KHDRBS3: variants seen among roughly 807,000 people sequenced by gnomAD.
The protein encoded by KHDRBS3 is KH RNA binding domain containing, signal transduction associated 3, also known as KH domain-containing, RNA-binding, signal transduction-associated protein 3.
Under a neutral mutation model 45.6 loss-of-function variants are expected in KHDRBS3, and 23 were observed. The ratio of observed to expected loss-of-function variants is 0.50; its 90% CI spans 0.36 to 0.72. KHDRBS3 has a LOEUF of 0.72. Ranked by LOEUF, KHDRBS3 falls within the 30% of genes least tolerant of loss-of-function variation. The probability of loss-of-function intolerance (pLI) is 0.00; values close to 1 mark genes in which losing one functional copy is unlikely to be tolerated. For missense variants in KHDRBS3, 352 were observed against 424.8 expected, an observed-to-expected ratio of 0.83 and a Z score of 1.51; for synonymous variants, 162 against 156.5, an observed-to-expected ratio of 1.04 and a Z score of -0.26.
intron 5 of KHDRBS3, among the ~76,000 whole-genome samples, chr8:135,568,077 A>T (rs1358609443): frequency 1.3e-5 from 2 of 152,220 alleles, no homozygotes; most frequent in Non-Finnish European, 2.9e-5. Context: ...TTACTGCCTT[A>T]CTTGCCACAC....
chr8:135,459,529 TG>T lies in KHDRBS3; in HGVS notation c.88+1576del, dbSNP rs530538566. ...CTGATGATTTACATGTATCTTTTATTGCCTGCTGGGCTGTCATCTCTGTGAA... is the reference window on the plus strand; with the variant it reads ...CTGATGATTTACATGTATCTTTTATTCCTGCTGGGCTGTCATCTCTGTGAA... On this transcript the variant is annotated intron_variant, in intron 1 of 8. Transcript: ENST00000355849. 3.3e-5 allele frequency among the ~76,000 whole-genome samples: 5 copies of T among 152,346 alleles called. No individual in the cohort carries two copies. The South Asian group carries it at 1.0e-3, about 32-fold the overall frequency.
chr8:135,569,127 C>T (rs1311866452), intron 5 of KHDRBS3, among the ~76,000 whole-genome samples: 6 of 152,042 alleles, frequency 3.9e-5, no homozygotes, highest in Admixed American at 1.3e-4. Context: ...ATGCCTCAAC[C>T]GTTTTTATTC....
chr8:135,601,564 T>C (rs759712741), intron 6 of KHDRBS3, among the ~76,000 whole-genome samples: 2 of 152,160 alleles, frequency 1.3e-5, no homozygotes, highest in Admixed American at 1.3e-4. Context: ...GAGTCTGACA[T>C]GTAGACTGGG....
intron 7 of KHDRBS3, among the ~76,000 whole-genome samples, chr8:135,622,085 C>G (rs897576898): frequency 5.9e-5 from 9 of 152,234 alleles, no homozygotes; most frequent in South Asian, 2.1e-4. Context: ...ATTACATGCT[C>G]TCATAATACC....
At chr8:135,581,286 G>C (rs1384168331) in intron 5 of KHDRBS3, among the ~76,000 whole-genome samples, 1 of 152,204 alleles carries the variant, frequency 6.6e-6, no homozygotes, top group Non-Finnish European at 1.5e-5. Context: ...GAAGTCTTAT[G>C]ATTTACATTA....
chr8:135,556,957 C>A (rs1335046092), intron 4 of KHDRBS3, among the ~76,000 whole-genome samples: 1 of 152,104 alleles, frequency 6.6e-6, no homozygotes, highest in Non-Finnish European at 1.5e-5. Flanking sequence ...TACAAAAAGC[C>A]TGTGTCCCTG....
At chr8:135,501,833 C>T (rs1410711281) in intron 1 of KHDRBS3, among the ~76,000 whole-genome samples, 2 of 152,072 alleles carry the variant, frequency 1.3e-5, no homozygotes, top group African/African-American at 4.8e-5. Flanking sequence ...TTTTCATATG[C>T]TGTTGTATAG....
chr8:135,548,249 A>G (rs1442837112), intron 3 of KHDRBS3, among the ~76,000 whole-genome samples: 4 of 152,216 alleles, frequency 2.6e-5, no homozygotes, highest in African/African-American at 9.6e-5. Flanking sequence ...TGTCTGCTCC[A>G]TGGTAATCAC....
At chr8:135,634,310 C>T (rs1314804037) in intron 7 of KHDRBS3, among the ~76,000 whole-genome samples, 5 of 152,116 alleles carry the variant, frequency 3.3e-5, no homozygotes, top group South Asian at 4.1e-4. Context: ...GATGTCCTCC[C>T]GAGCAGTGAA....
At chr8:135,480,636 G>A (rs1586579763) in intron 1 of KHDRBS3, among the ~76,000 whole-genome samples, 1 of 151,794 alleles carries the variant, frequency 6.6e-6, no homozygotes, top group African/African-American at 2.4e-5. Flanking sequence ...AAAAGTGGAA[G>A]ATGTAAAAAA....
intron 5 of KHDRBS3, among the ~76,000 whole-genome samples, chr8:135,579,894 C>T (rs1202190566): frequency 6.6e-6 from 1 of 152,060 alleles, no homozygotes; most frequent in Non-Finnish European, 1.5e-5. Flanking sequence ...GATTTTTGTA[C>T]CTGTGTTCAT....
intron 1 of KHDRBS3, among the ~76,000 whole-genome samples, chr8:135,496,869 C>A (rs529457198): frequency 1.3e-5 from 2 of 152,272 alleles, no homozygotes; most frequent in African/African-American, 4.8e-5. Flanking sequence ...GTTGCTTGCC[C>A]GTAGCTTGCC....
intron 2 of KHDRBS3, among the ~76,000 whole-genome samples, chr8:135,524,645 A>G (rs1825087038): frequency 6.7e-6 from 1 of 149,804 alleles, no homozygotes; most frequent in Non-Finnish European, 1.5e-5. Context: ...TTGAGATTTC[A>G]GTTACACATA....
At chr8:135,589,976 A>G (rs2130957883) in intron 6 of KHDRBS3, among the ~76,000 whole-genome samples, 1 of 152,220 alleles carries the variant, frequency 6.6e-6, no homozygotes, top group East Asian at 1.9e-4. Flanking sequence ...AATTTAATAT[A>G]AAGATTATTA....
intron 6 of KHDRBS3, among the ~76,000 whole-genome samples, chr8:135,588,716 G>C (rs1431481942): frequency 6.6e-6 from 1 of 152,162 alleles, no homozygotes; most frequent in Non-Finnish European, 1.5e-5. Context: ...GAGAATTCCA[G>C]GGGTTTTAGG....
At chr8:135,515,135 G>T (rs574955739) in intron 1 of KHDRBS3, among the ~76,000 whole-genome samples, 1 of 152,062 alleles carries the variant, frequency 6.6e-6, no homozygotes, top group South Asian at 2.1e-4. Context: ...GGGAGGCCGA[G>T]GCGGGCGGAT....
chr8:135,626,526 G>T (rs550171838), intron 7 of KHDRBS3, among the ~76,000 whole-genome samples: 2 of 152,318 alleles, frequency 1.3e-5, no homozygotes, highest in East Asian at 3.9e-4. Context: ...AGTGGGGGCC[G>T]GGCGCGGTGG....
At chr8:135,474,967 C>G (rs915691502) in intron 1 of KHDRBS3, among the ~76,000 whole-genome samples, 2 of 152,184 alleles carry the variant, frequency 1.3e-5, no homozygotes, top group African/African-American at 4.8e-5. Flanking sequence ...CGGCTTGTGG[C>G]CCCTTCCTCT....
At chr8:135,586,148 A>G (rs528467476) in intron 6 of KHDRBS3, among the ~76,000 whole-genome samples, 1 of 152,294 alleles carries the variant, frequency 6.6e-6, no homozygotes, top group East Asian at 1.9e-4. Flanking sequence ...ACTTTGATAT[A>G]TGTCACGTTT....
Sources: gnomAD v4.1 joint callset for allele counts (sites outside exome capture counted in the v4.1 genomes callset) on GRCh38, gnomAD v4.1.1 for gene constraint, MANE v1.5 for transcripts, NCBI Gene and HGNC (gene_info 2026-07-23, HGNC 2026-07-21) for gene names.